LINGO2: variants seen among roughly 807,000 people sequenced by gnomAD.
The protein encoded by LINGO2 is leucine-rich repeat and immunoglobulin-like domain-containing nogo receptor-interacting protein 2.
In LINGO2, 14 loss-of-function variants were observed where a neutral mutation model predicts 30.6. The ratio of observed to expected loss-of-function variants is 0.46; its 90% confidence interval spans 0.30 to 0.72. The LOEUF (loss-of-function observed/expected upper bound fraction) is 0.72, where lower values mean the gene tolerates loss of function less well. Ranked by LOEUF, LINGO2 falls within the 30% of genes least tolerant of loss-of-function variation. LINGO2 has a pLI of 0.07. For synonymous variants in LINGO2, 317 were observed against 288.5 expected (o/e 1.10, Z -1.00); for missense variants, 729 against 751.7 (o/e 0.97, Z 0.35).
intron 4 of LINGO2, among the ~76,000 whole-genome samples, chr9:28,062,315 A>AT (rs1825169896): frequency 6.6e-6 from 1 of 151,596 alleles, no homozygotes; most frequent in African/African-American, 2.4e-5. Context: ...AGGAGTTAGC[A>AT]TTTTCCATTT....
chr9:28,237,224 G>A (rs1476791016), intron 4 of LINGO2, among the ~76,000 whole-genome samples: 1 of 151,744 alleles, frequency 6.6e-6, no homozygotes, highest in Non-Finnish European at 1.5e-5. Flanking sequence ...AAGATAATGG[G>A]TTATAGGATA....
chr9:28,333,140 GT>G (rs1825480321), intron 3 of LINGO2, among the ~76,000 whole-genome samples: 1 of 152,162 alleles, frequency 6.6e-6, no homozygotes, highest in Admixed American at 6.5e-5. Flanking sequence ...TTTCTAACAA[GT>G]TGTGAGTCAC....
At chr9:28,891,481 A>G in the LINGO2 span, among the ~76,000 whole-genome samples, 486 of 56,016 alleles carry the variant, frequency 8.7e-3, 2 homozygotes, top group African/African-American at 0.015. Context: ...ATTTCTGGAG[A>G]AAAAAAAAAG....
intron 2 of LINGO2, among the ~76,000 whole-genome samples, chr9:28,456,695 C>G (rs774258381): frequency 6.6e-6 from 1 of 152,046 alleles, no homozygotes; most frequent in South Asian, 2.1e-4. Flanking sequence ...TTTTCTGACA[C>G]GCATGACACA....
intron 1 of LINGO2, among the ~76,000 whole-genome samples, chr9:28,477,528 A>T (rs1325520953): frequency 6.6e-6 from 1 of 152,084 alleles, no homozygotes; most frequent in African/African-American, 2.4e-5. Context: ...GTCTTCCCCC[A>T]TTTTCTAGGA....
At chr9:28,901,568 T>C in the LINGO2 span, among the ~76,000 whole-genome samples, 1 of 151,948 alleles carries the variant, frequency 6.6e-6, no homozygotes, top group Non-Finnish European at 1.5e-5. Flanking sequence ...ATAAAATGTA[T>C]GCATAGGGGG....
chr9:28,882,154 C>G, the LINGO2 span, among the ~76,000 whole-genome samples: 1 of 152,142 alleles, frequency 6.6e-6, no homozygotes, highest in Non-Finnish European at 1.5e-5. Context: ...CTTCTAATTT[C>G]CTTGAATCAC....
At chr9:28,916,848 A>G in the LINGO2 span, among the ~76,000 whole-genome samples, 2 of 152,184 alleles carry the variant, frequency 1.3e-5, no homozygotes, top group Non-Finnish European at 2.9e-5. Context: ...TATATTCTAC[A>G]CTGTGAATAG....
At chr9:28,645,825 A>C (rs1354809355) in intron 1 of LINGO2, among the ~76,000 whole-genome samples, 4 of 152,084 alleles carry the variant, frequency 2.6e-5, no homozygotes, top group Non-Finnish European at 5.9e-5. Context: ...GGCAGCCTTC[A>C]GCTGGCTTCA....
At chr9:29,209,381 C>T in the LINGO2 span, among the ~76,000 whole-genome samples, 1 of 151,976 alleles carries the variant, frequency 6.6e-6, no homozygotes, top group Non-Finnish European at 1.5e-5. Flanking sequence ...AAAATAAATG[C>T]AACAATCTTA....
chr9:28,926,951 A>G, the LINGO2 span, among the ~76,000 whole-genome samples: 2 of 152,166 alleles, frequency 1.3e-5, no homozygotes, highest in Non-Finnish European at 2.9e-5. Flanking sequence ...CTGTCTGTCA[A>G]AATTATTCTG....
At chr9:28,028,570 G>A (rs1029949515) in intron 4 of LINGO2, among the ~76,000 whole-genome samples, 1 of 151,980 alleles carries the variant, frequency 6.6e-6, no homozygotes. Flanking sequence ...GTATCCAGGG[G>A]GTTGTTTCCA....
chr9:28,048,002 A>G (rs1824503468), intron 4 of LINGO2, among the ~76,000 whole-genome samples: 2 of 150,538 alleles, frequency 1.3e-5, no homozygotes, highest in Non-Finnish European at 2.9e-5. Context: ...TAGAAAATAA[A>G]AAGAAAAAAT....
chr9:28,383,530 C>G (rs1230479677), intron 2 of LINGO2, among the ~76,000 whole-genome samples: 1 of 151,934 alleles, frequency 6.6e-6, no homozygotes, highest in Middle Eastern at 3.2e-3. Context: ...CTCAGGGGAT[C>G]TCTATCTGGA....
chr9:28,397,809 CG>C (rs1374521747), intron 2 of LINGO2, among the ~76,000 whole-genome samples: 1 of 151,956 alleles, frequency 6.6e-6, no homozygotes, highest in African/African-American at 2.4e-5. Context: ...AGCCTCCCAA[CG>C]TGCTGGGATT....
At chr9:28,126,538 G>A (rs1281065309) in intron 4 of LINGO2, among the ~76,000 whole-genome samples, 3 of 152,232 alleles carry the variant, frequency 2.0e-5, no homozygotes, top group African/African-American at 7.2e-5. Flanking sequence ...ATTCCCAAAT[G>A]TGTCTGACAT....
At chr9:28,160,970 TC>T (rs1828269450) in intron 4 of LINGO2, among the ~76,000 whole-genome samples, 1 of 152,134 alleles carries the variant, frequency 6.6e-6, no homozygotes, top group South Asian at 2.1e-4. Context: ...TACCCAGCCT[TC>T]CAATTTTGAC....
chr9:28,708,276 T>A, the LINGO2 span, among the ~76,000 whole-genome samples: 117 of 152,148 alleles, frequency 7.7e-4, no homozygotes, highest in Non-Finnish European at 1.5e-3. Context: ...AGCTAAAATA[T>A]GAATATTCAG....
the LINGO2 span, among the ~76,000 whole-genome samples, chr9:28,995,191 C>T: frequency 9.9e-5 from 15 of 152,116 alleles, no homozygotes; most frequent in African/African-American, 3.6e-4. Context: ...CAAACAACCC[C>T]ATCAAAATCT....
Sources: allele counts gnomAD v4.1 joint callset (sites outside exome capture counted in the v4.1 genomes callset), GRCh38; gene constraint gnomAD v4.1.1; transcripts MANE v1.5; gene names NCBI Gene and HGNC (gene_info 2026-07-23, HGNC 2026-07-21).